Variants in SLC26A5 observed in about 807,000 individuals in gnomAD.
SLC26A5 encodes prestin.
SLC26A5 carries 51 observed loss-of-function variants against 81.0 expected under a neutral mutation model. The observed-to-expected ratio is 0.63, with a 90% CI of 0.50 to 0.80. SLC26A5 has a LOEUF of 0.80. Ranked by LOEUF, SLC26A5 falls within the 30% of genes least tolerant of loss-of-function variation. The pLI, the probability that SLC26A5 is intolerant of heterozygous loss-of-function variation, is 0.00. For synonymous variants in SLC26A5, 325 were observed against 332.8 expected, an observed-to-expected ratio of 0.98 and a Z score of 0.25; for missense variants, 771 against 905.8, an observed-to-expected ratio of 0.85 and a Z score of 1.91.
chr7:103,388,928 C>A (rs896442639), intron 14 of SLC26A5, 80 bp downstream of exon 14: 3 of 1,038,724 alleles, frequency 2.9e-6, no homozygotes, highest in African/African-American at 1.6e-5. Flanking sequence ...CTTCTACCAA[C>A]TTAAACTTTG....
downstream of SLC26A5, among the ~76,000 whole-genome samples, chr7:103,369,593 C>T (rs1820910670): frequency 6.6e-6 from 1 of 152,170 alleles, no homozygotes; most frequent in Non-Finnish European, 1.5e-5. Context: ...GTTTTTCTGT[C>T]AAGGCATATT....
chr7:103,387,132 T>C (rs1193420690), intron 14 of SLC26A5, among the ~76,000 whole-genome samples: 1 of 152,244 alleles, frequency 6.6e-6, no homozygotes, highest in Non-Finnish European at 1.5e-5. Context: ...CATATGCTAA[T>C]AAAGTTCTTT....
At chr7:103,428,234 G>T (rs1202823475) in intron 2 of SLC26A5, among the ~76,000 whole-genome samples, 1 of 151,868 alleles carries the variant, frequency 6.6e-6, no homozygotes, top group Admixed American at 6.6e-5. Context: ...ACAACCTATT[G>T]GGAAAATAGA....
intron 4 of SLC26A5, among the ~76,000 whole-genome samples, chr7:103,416,996 C>T (rs1824959490): frequency 6.6e-6 from 1 of 151,928 alleles, no homozygotes; most frequent in Non-Finnish European, 1.5e-5. Flanking sequence ...AGAAAAATAC[C>T]TTTCCAATGC....
chr7:103,396,564 T>C (rs1823125898), intron 9 of SLC26A5, among the ~76,000 whole-genome samples: 1 of 152,152 alleles, frequency 6.6e-6, no homozygotes, highest in Non-Finnish European at 1.5e-5. Flanking sequence ...CTAAGTGAAA[T>C]ACGCCAGTCA....
At position 103,354,772 on chromosome 7, in the gene SLC26A5, G is replaced by C. The variant is rs1188822273; in HGVS notation, c.2042-1846C>G. ...CTTCACAAGCTTTGGGATAATGATA[G>C]CTATTGAAATTGTAACTTAAAAATA... On this transcript the variant is annotated intron_variant, in intron 19 of 19. Transcript: ENST00000339444. The C allele has an allele frequency of 4.0e-6, 3 of 742,334 alleles. No individual in the cohort carries two copies. In the East Asian group the frequency reaches 8.1e-5, roughly 20 times the overall value. The allele number at this position is 742,334 out of a possible 1,614,324, so 46.0% of individuals were successfully genotyped here.
chr7:103,382,405 A>G (rs1283984384), intron 14 of SLC26A5, among the ~76,000 whole-genome samples: 1 of 138,218 alleles, frequency 7.2e-6, no homozygotes, highest in Non-Finnish European at 1.5e-5. Flanking sequence ...GCTGGAGTGC[A>G]ATGGTGCAAT....
At chr7:103,364,071 T>G in intron 19 of SLC26A5, 3 of 1,419,762 alleles carry the variant, frequency 2.1e-6, no homozygotes, top group Non-Finnish European at 1.9e-6. Context: ...TAAAAGCACT[T>G]TGTTGATTTA....
At position 103,425,224 on chromosome 7, in the gene SLC26A5, T is replaced by G. The variant is rs182853875; in HGVS notation, c.-53-3657A>C. Among the ~76,000 whole-genome samples the G allele has an allele frequency of 2.1e-3, 316 of 152,332 alleles. 2 individuals carry two copies. Among genetic ancestry groups the G allele is most frequent in the African/African-American group, 7.4e-3 (308 of 41,588 alleles). On this transcript the variant is annotated intron_variant, in intron 2 of 19. Transcript: ENST00000306312. ...AAGCAGAGCAATTATATTTATGTAT[T>G]AAAAGTTCCCCAGGACATGCAGTTG...
At chr7:103,384,398 G>A (rs376775858) in intron 14 of SLC26A5, among the ~76,000 whole-genome samples, 2 of 151,990 alleles carry the variant, frequency 1.3e-5, no homozygotes, top group Non-Finnish European at 2.9e-5. Flanking sequence ...GGATCACGAG[G>A]TGAGGAGTTC....
chr7:103,412,922 G>T, intron 5 of SLC26A5, 80 bp downstream of exon 5: 2 of 1,032,390 alleles, frequency 1.9e-6, no homozygotes, highest in Admixed American at 1.8e-5. Context: ...TTTTAATAAT[G>T]ACCATGCTAT....
intron 2 of SLC26A5, among the ~76,000 whole-genome samples, chr7:103,434,220 T>A (rs1261736177): frequency 6.6e-6 from 1 of 152,212 alleles, no homozygotes; most frequent in African/African-American, 2.4e-5. Flanking sequence ...CATTTCACCC[T>A]CACGCTTGAT....
chr7:103,431,831 C>T lies in SLC26A5; in HGVS notation c.-53-10264G>A, dbSNP rs1170509481. Among the ~76,000 whole-genome samples the T allele has an allele frequency of 4.6e-5, 7 of 151,528 alleles. No homozygotes were observed. In the South Asian group the frequency reaches 1.0e-3, roughly 23 times the overall value. ...TACACTTCCCAATCTTTCCTGGAAT[C>T]GAGAACTACTGCTCTAAGTAATAAA... On this transcript the variant is annotated intron_variant, in intron 2 of 19. Coordinates refer to ENST00000306312, the MANE Select transcript of SLC26A5 (RefSeq NM_198999.3).
At chr7:103,398,839 GGA>G (rs1434449432) in intron 8 of SLC26A5, among the ~76,000 whole-genome samples, 1 of 152,074 alleles carries the variant, frequency 6.6e-6, no homozygotes, top group African/African-American at 2.4e-5. Flanking sequence ...CAGCAGCCTG[GGA>G]GACCAGGGGC....
intron 19 of SLC26A5, among the ~76,000 whole-genome samples, chr7:103,359,802 G>A (rs949122344): frequency 1.3e-5 from 2 of 152,086 alleles, no homozygotes; most frequent in Admixed American, 6.5e-5. Flanking sequence ...TTGTTTGACT[G>A]GGCGCAGTGG....
intron 4 of SLC26A5, among the ~76,000 whole-genome samples, chr7:103,414,911 C>T (rs1036817900): frequency 1.3e-5 from 2 of 152,140 alleles, no homozygotes; most frequent in African/African-American, 4.8e-5. Context: ...GTTTTAACCT[C>T]TCCCTGGAAA....
At chr7:103,395,863 CA>C (rs560726931) in intron 9 of SLC26A5, among the ~76,000 whole-genome samples, 1 of 151,940 alleles carries the variant, frequency 6.6e-6, no homozygotes, top group Non-Finnish European at 1.5e-5. Context: ...ATAGATGAAG[CA>C]AAGAAGTAAC....
intron 11 of SLC26A5, among the ~76,000 whole-genome samples, chr7:103,391,153 G>T (rs1194567142): frequency 6.6e-6 from 1 of 152,140 alleles, no homozygotes; most frequent in Non-Finnish European, 1.5e-5. Context: ...ATGAGCTACC[G>T]CACTTGGCCG....
At chr7:103,416,955 T>C (rs926716903) in intron 4 of SLC26A5, among the ~76,000 whole-genome samples, 3 of 152,182 alleles carry the variant, frequency 2.0e-5, no homozygotes, top group African/African-American at 7.2e-5. Flanking sequence ...ATTTTGTTTT[T>C]CATATTTATC....
Sources: allele counts gnomAD v4.1 joint callset (sites outside exome capture counted in the v4.1 genomes callset), GRCh38; gene constraint gnomAD v4.1.1; transcripts MANE v1.5; gene names NCBI Gene and HGNC (gene_info 2026-07-23, HGNC 2026-07-21).